Variants in ATP7A observed in about 807,000 individuals in gnomAD.
ATP7A encodes copper-transporting ATPase 1.
In ATP7A, 7 loss-of-function variants were observed where a neutral mutation model predicts 83.5. The observed-to-expected ratio is 0.08, with a 90% CI of 0.05 to 0.16. ATP7A has a LOEUF of 0.16. Ranked by LOEUF, ATP7A falls within the 10% of genes least tolerant of loss-of-function variation. The pLI, the probability that ATP7A is intolerant of heterozygous loss-of-function variation, is 1.00. For missense variants in ATP7A, 940 were observed against 1,120.8 expected (o/e 0.84, Z 2.30); for synonymous variants, 354 against 395.2 (o/e 0.90, Z 1.24).
chrX:77,971,889 C>A, intron 2 of ATP7A, 128 bp downstream of exon 2: 1 of 781,973 alleles, frequency 1.3e-6, no homozygotes, highest in Non-Finnish European at 1.9e-6. Flanking sequence ...TACTTCTTAT[C>A]TTGAAGCTAA....
chrX:77,998,731 T>G lies in ATP7A; in HGVS notation c.1543+47T>G, dbSNP rs370638326. ...TTATTTTATGTGCTAGTTTGGGAGCTCCATCTTTTTTGTTCTCTTACATGT... is the reference window on the plus strand; with the variant it reads ...TTATTTTATGTGCTAGTTTGGGAGCGCCATCTTTTTTGTTCTCTTACATGT... On this transcript the variant is annotated intron_variant, in intron 5 of 22. Transcript: ENST00000341514. 1.8e-5 allele frequency: 21 copies of G among 1,146,054 alleles called. No homozygotes were observed. The African/African-American group carries it at 3.7e-4, about 20-fold the overall frequency. The allele number at this position is 1,146,054 out of a possible 1,213,427, so 94.4% of individuals were successfully genotyped here.
chrX:78,044,943 T>C (rs2078074649), intron 21 of ATP7A, among the ~76,000 whole-genome samples: 1 of 112,159 alleles, frequency 8.9e-6, no homozygotes, highest in South Asian at 3.7e-4. Flanking sequence ...GTAAGATTAA[T>C]TCATGGAGCA....
intron 2 of ATP7A, among the ~76,000 whole-genome samples, chrX:77,972,661 T>A (rs1373704417): frequency 1.8e-5 from 2 of 111,217 alleles, no homozygotes; most frequent in African/African-American, 6.5e-5. Flanking sequence ...GCATGCCAGC[T>A]AATTTTTTAA....
At chrX:77,956,726 CCTT>C (rs1225580759) in intron 1 of ATP7A, among the ~76,000 whole-genome samples, 1,658 of 73,774 alleles carry the variant, frequency 0.022, 12 homozygotes, top group African/African-American at 0.041. Flanking sequence ...TACCCAGTCT[CCTT>C]TCTTTCTTTC....
At position 78,009,154 on chromosome X, in the gene ATP7A, C is replaced by T; in HGVS notation, c.1760C>T (p.Thr587Ile). The change falls in exon 7 of 23, where the codon ACA (threonine) becomes ATA (isoleucine). Residue 587 changes from threonine (T) to isoleucine (I), a missense_variant. By Grantham distance (89) the Thr-to-Ile change is moderately conservative. This residue lies in a region of ATP7A where 204 missense variants were observed against 185.8 expected (regional missense o/e 1.10). Transcript: ENST00000341514. ...SCVHKIESSL[T>I]KHRGILYCSV... Reference sequence around the variant, plus strand: ...GTACATAAAATAGAGTCTAGTCTCACAAAACACAGAGGGATCCTATACTGC... The same window carrying T: ...GTACATAAAATAGAGTCTAGTCTCATAAAACACAGAGGGATCCTATACTGC... The T allele has an allele frequency of 4.1e-6, 5 of 1,210,059 alleles. No individual in the cohort carries two copies. Among genetic ancestry groups the T allele is most frequent in the Non-Finnish European group, 5.6e-6 (5 of 894,343 alleles).
At chrX:78,004,381 T>C (rs1336907597) in intron 6 of ATP7A, among the ~76,000 whole-genome samples, 3 of 112,555 alleles carry the variant, frequency 2.7e-5, no homozygotes, top group African/African-American at 9.7e-5. Context: ...CTAGAATGTA[T>C]TTAAATTTAT....
At chrX:78,000,693 C>T (rs782740159) in intron 5 of ATP7A, among the ~76,000 whole-genome samples, 5 of 108,228 alleles carry the variant, frequency 4.6e-5, no homozygotes, top group African/African-American at 1.3e-4. Flanking sequence ...TGAGACAAAT[C>T]GCACTCTGTT....
In ATP7A at chrX:78,031,405, G is replaced by T. The variant is rs1057520234; in HGVS notation, c.3117G>T (p.Lys1039Asn). The stretch of plus-strand genomic sequence containing the variant: ...GTATCTTAATTTTTTTACAGGTAAA[G>T]GTAGTGGTATTTGATAAGACTGGAA... ...GEPLEMAHKV[K>N]VVVFDKTGTI... Residue 1039 changes from lysine to asparagine, a missense_variant, in exon 16 of 23, where the codon AAG becomes AAT. This residue lies in a region of ATP7A where 386 missense variants were observed against 502.2 expected (regional missense o/e 0.77). Coordinates refer to ENST00000341514, the MANE Select transcript of ATP7A (RefSeq NM_000052.7). The T allele has an allele frequency of 5.0e-6, 6 of 1,207,600 alleles. No homozygotes were observed. Among genetic ancestry groups the T allele is most frequent in the Non-Finnish European group, 6.7e-6 (6 of 893,029 alleles).
chrX:78,014,634 T>C, intron 10 of ATP7A, 28 bp from the exon 11 acceptor site: 1 of 1,136,388 alleles, frequency 8.8e-7, no homozygotes, highest in African/African-American at 1.8e-5. Flanking sequence ...TTCCTTAGCA[T>C]TTTCAATGTG....
intron 1 of ATP7A, among the ~76,000 whole-genome samples, chrX:77,965,137 T>C (rs2077496862): frequency 9.0e-6 from 1 of 111,120 alleles, no homozygotes. Flanking sequence ...AGGAAAAATA[T>C]TTTTCTTACA....
At chrX:77,949,712 T>G (rs1339498833) in intron 1 of ATP7A, among the ~76,000 whole-genome samples, 1 of 111,758 alleles carries the variant, frequency 8.9e-6, no homozygotes, top group African/African-American at 3.3e-5. Flanking sequence ...GTTAACCCAT[T>G]GGAGGTTGGT....
At chrX:78,041,527 G>A (rs1247991763) in intron 19 of ATP7A, among the ~76,000 whole-genome samples, 10 of 109,552 alleles carry the variant, frequency 9.1e-5, no homozygotes, top group African/African-American at 2.7e-4. Flanking sequence ...CGCCCGCCTC[G>A]GCCTCCCAAA....
chrX:78,009,306 A>G, intron 7 of ATP7A, 43 bp downstream of exon 7: 1 of 1,165,408 alleles, frequency 8.6e-7, no homozygotes, highest in Non-Finnish European at 1.2e-6. Context: ...TACCTATTTA[A>G]TCAGCACTCC....
Position 77,962,914 on chromosome X carries a change from T to C in ATP7A, c.-21-8707T>C, listed in dbSNP as rs185025712. ...AATTGATTTGGCATACTTAGCTCTT[T>C]GATAGTGACTGTGTAATAATTCATA... On this transcript the variant is annotated intron_variant, in intron 1 of 22. Coordinates refer to ENST00000341514, the MANE Select transcript of ATP7A (RefSeq NM_000052.7). 526 of 324,929 alleles carry C rather than the reference T, an allele frequency of 1.6e-3. 4 individuals are homozygous for C. The highest frequency in any genetic ancestry group is 0.013 in the African/African-American group (477 of 37,731). 26.8% of individuals were successfully genotyped at this position (324,929 alleles called of 1,213,427 possible).
chrX:78,040,534 G>A, intron 18 of ATP7A, 57 bp from the exon 19 acceptor site: 2 of 1,172,570 alleles, frequency 1.7e-6, no homozygotes, highest in African/African-American at 1.8e-5. Context: ...AAGTCAAAAT[G>A]TTATTCTCCT....
intron 2 of ATP7A, among the ~76,000 whole-genome samples, chrX:77,986,838 C>T (rs1288454518): frequency 8.9e-6 from 1 of 111,824 alleles, no homozygotes; most frequent in African/African-American, 3.2e-5. Flanking sequence ...TATCATCTTC[C>T]ACACTGCCTC....
chrX:78,024,663 C>T (rs1052198701), intron 14 of ATP7A, among the ~76,000 whole-genome samples: 5 of 111,772 alleles, frequency 4.5e-5, no homozygotes, highest in African/African-American at 1.3e-4. Flanking sequence ...ACTGAGTTGC[C>T]TGCTTTGGTC....
At chrX:77,997,980 G>A (rs1017560926) in intron 4 of ATP7A, among the ~76,000 whole-genome samples, 81 of 108,049 alleles carry the variant, frequency 7.5e-4, no homozygotes, top group African/African-American at 2.6e-3. Context: ...ACTGTTAATA[G>A]TTTGGTATGT....
At chrX:78,026,586 C>T (rs1360360713) in intron 14 of ATP7A, among the ~76,000 whole-genome samples, 2 of 111,499 alleles carry the variant, frequency 1.8e-5, no homozygotes, top group East Asian at 5.6e-4. Flanking sequence ...ACCAAATGGC[C>T]CTAATAGATA....
Sources: allele counts gnomAD v4.1 joint callset (sites outside exome capture counted in the v4.1 genomes callset), GRCh38; gene constraint gnomAD v4.1.1; regional missense constraint gnomAD v4.1.1; transcripts MANE v1.5; gene names NCBI Gene and HGNC (gene_info 2026-07-23, HGNC 2026-07-21).